The following SMG6 variants were observed in gnomAD, a reference collection of about 807,000 sequenced individuals.
The protein encoded by SMG6 is SMG6 nonsense mediated mRNA decay factor.
A neutral mutation model predicts 142.2 loss-of-function variants in SMG6; 66 were observed. The ratio of observed to expected loss-of-function variants is 0.46; its 90% CI spans 0.38 to 0.57. The LOEUF (loss-of-function observed/expected upper bound fraction) is 0.57. Among genes scored for constraint, SMG6 ranks in the 20% least tolerant of loss-of-function variants. The probability of loss-of-function intolerance (pLI) is 0.00; values close to 1 mark genes in which losing one functional copy is unlikely to be tolerated. For synonymous variants in SMG6, 779 were observed against 702.4 expected (o/e 1.11, Z -1.72); for missense variants, 1,793 against 1,832.0 (o/e 0.98, Z 0.39).
At chr17:2,129,851 T>G (rs1482782684) in intron 13 of SMG6, among the ~76,000 whole-genome samples, 1 of 148,560 alleles carries the variant, frequency 6.7e-6, no homozygotes, top group Non-Finnish European at 1.5e-5. Flanking sequence ...TTTAATAATG[T>G]AACTTTAGAA....
chr17:2,171,302 A>G (rs1303019508), intron 13 of SMG6, among the ~76,000 whole-genome samples: 1 of 151,646 alleles, frequency 6.6e-6, no homozygotes, highest in Non-Finnish European at 1.5e-5. Flanking sequence ...TAAAATAAAA[A>G]CAAATAGTAT....
intron 13 of SMG6, among the ~76,000 whole-genome samples, chr17:2,135,295 G>A (rs1003754837): frequency 1.7e-4 from 26 of 152,124 alleles, no homozygotes; most frequent in African/African-American, 5.8e-4. Flanking sequence ...TAACACATTC[G>A]TCATCTCATA....
rs1271961743 is a variant in SMG6, at chr17:2,300,306, T to C, written c.447A>G (p.Gly149=). ...KKPDLQIYQP[G]RRLQTVSKES... ...CTTTGCTAACAGTCTGCAAACGTCG[T>C]CCAGGCTGATAGATCTGCAGGTCGG... The change falls in exon 2 of 19, where the codon GGA becomes GGG. Residue 149 remains glycine (G), a synonymous_variant. Coordinates refer to ENST00000263073, the MANE Select transcript of SMG6 (RefSeq NM_017575.5). The C allele has an allele frequency of 1.2e-6, 2 of 1,613,982 alleles. No homozygotes were observed. The highest frequency in any genetic ancestry group is 1.7e-5 in the Admixed American group (1 of 60,006).
chr17:2,267,229 G>A (rs898510373), intron 8 of SMG6, among the ~76,000 whole-genome samples: 1 of 152,168 alleles, frequency 6.6e-6, no homozygotes, highest in Non-Finnish European at 1.5e-5. Context: ...TTTTGAGGCA[G>A]GGTCTCACTC....
intron 16 of SMG6, among the ~76,000 whole-genome samples, chr17:2,066,909 C>G (rs1369049167): frequency 6.6e-6 from 1 of 152,226 alleles, no homozygotes; most frequent in African/African-American, 2.4e-5. Context: ...CTTCTCCACG[C>G]TGGGGTCAGG....
intron 2 of SMG6, among the ~76,000 whole-genome samples, 188 bp downstream of exon 2, chr17:2,298,717 TA>T (rs369010341): frequency 4.6e-3 from 582 of 126,286 alleles, no homozygotes; most frequent in African/African-American, 4.5e-3. Context: ...GACTCCGTCT[TA>T]AAAAAAAAAA....
chr17:2,128,661 T>C (rs1433171355), intron 13 of SMG6, among the ~76,000 whole-genome samples: 1 of 151,786 alleles, frequency 6.6e-6, no homozygotes, highest in East Asian at 1.9e-4. Flanking sequence ...CCGTCTCTAC[T>C]AAAAATACAA....
intron 12 of SMG6, among the ~76,000 whole-genome samples, chr17:2,181,539 G>A (rs754063852): frequency 6.6e-6 from 1 of 152,258 alleles, no homozygotes. Context: ...GGCTTCACGA[G>A]AGAGTAAGTG....
intron 18 of SMG6, 40 bp downstream of exon 18, chr17:2,065,033 A>C: frequency 2.0e-6 from 3 of 1,498,712 alleles, no homozygotes; most frequent in Non-Finnish European, 2.8e-6. Context: ...GAGGTAGGGC[A>C]GTGGGGATGG....
intron 10 of SMG6, among the ~76,000 whole-genome samples, chr17:2,198,362 C>G (rs1253043984): frequency 6.6e-6 from 1 of 152,136 alleles, no homozygotes; most frequent in Non-Finnish European, 1.5e-5. Flanking sequence ...AGGGATGGTT[C>G]TAAAGCATAG....
chr17:2,180,249 A>T (rs553079666), intron 12 of SMG6, among the ~76,000 whole-genome samples: 2 of 152,330 alleles, frequency 1.3e-5, no homozygotes, highest in South Asian at 4.1e-4. Flanking sequence ...TGGGGCAAGT[A>T]GGTGGGCCCT....
intron 6 of SMG6, among the ~76,000 whole-genome samples, chr17:2,284,652 C>CT (rs2074864824): frequency 2.6e-5 from 4 of 152,160 alleles, no homozygotes; most frequent in Non-Finnish European, 5.9e-5. Context: ...AAACTCCTAT[C>CT]TTATATTCAC....
rs183554916 is a variant in SMG6, at chr17:2,273,105, T to A, written c.2661+9542A>T. Among the ~76,000 whole-genome samples the A allele has an allele frequency of 5.1e-4, 78 of 152,240 alleles. 1 individual carries two copies. Among genetic ancestry groups the A allele is most frequent in the Admixed American group, 4.1e-3 (63 of 15,264 alleles). On this transcript the variant is annotated intron_variant, in intron 8 of 18. Coordinates refer to ENST00000263073, the MANE Select transcript of SMG6 (RefSeq NM_017575.5). ...ATGTGTTTTACAGGGAAAATGTGTA[T>A]TAGATAAGCCTCATTCAGCTATGAG...
chr17:2,300,436 T>A lies in SMG6; in HGVS notation c.317A>T (p.Gln106Leu). The change falls in exon 2 of 19, where the codon CAG (glutamine) becomes CTG (leucine). Residue 106 changes from glutamine to leucine, a missense_variant. Gln to Leu is a moderately radical substitution (Grantham distance 113). Transcript: ENST00000263073. ...DVCKELNNQE[Q>L]NGPIDPENNR... Reference sequence around the variant, plus strand: ...ATTTTCTGGGTCTATAGGACCATTCTGCTCTTGGTTGTTCAGTTCCTTGCA... The same window carrying A: ...ATTTTCTGGGTCTATAGGACCATTCAGCTCTTGGTTGTTCAGTTCCTTGCA... The A allele has an allele frequency of 6.2e-7, 1 of 1,614,266 alleles. No homozygotes were observed. The highest frequency in any genetic ancestry group is 8.5e-7 in the Non-Finnish European group (1 of 1,180,050).
At chr17:2,301,482 G>C (rs2075275178) in intron 1 of SMG6, among the ~76,000 whole-genome samples, 1 of 152,196 alleles carries the variant, frequency 6.6e-6, no homozygotes, top group South Asian at 2.1e-4. Context: ...CTGATGGAAA[G>C]ATTGTGACAT....
chr17:2,076,517 C>CAATG, intron 15 of SMG6, among the ~76,000 whole-genome samples: 1 of 152,320 alleles, frequency 6.6e-6, no homozygotes, highest in Admixed American at 6.5e-5. Context: ...GGCAGGAAGC[C>CAATG]AATGGCCTGA....
chr17:2,127,414 T>C (rs564363860), intron 13 of SMG6: 8 of 784,594 alleles, frequency 1.0e-5, no homozygotes, highest in African/African-American at 1.7e-5. Context: ...CCTCTTTAAA[T>C]AGACACTTTA....
At chr17:2,263,785 G>A (rs893482405) in intron 8 of SMG6, among the ~76,000 whole-genome samples, 2 of 152,164 alleles carry the variant, frequency 1.3e-5, no homozygotes, top group African/African-American at 2.4e-5. Context: ...CCCGCAGACT[G>A]GGGAAGGATC....
At chr17:2,249,884 T>C (rs888560571) in intron 8 of SMG6, among the ~76,000 whole-genome samples, 30 of 152,174 alleles carry the variant, frequency 2.0e-4, no homozygotes, top group African/African-American at 6.5e-4. Context: ...CCAATGGCAG[T>C]AGATGGATGG....
Sources: gnomAD v4.1 joint callset for allele counts (sites outside exome capture counted in the v4.1 genomes callset) on GRCh38, gnomAD v4.1.1 for gene constraint, MANE v1.5 for transcripts, NCBI Gene and HGNC (gene_info 2026-07-23, HGNC 2026-07-21) for gene names.